CTDSPL2: variants seen among roughly 807,000 people sequenced by gnomAD.
The protein encoded by CTDSPL2 is CTD small phosphatase-like protein 2.
In CTDSPL2, 5 loss-of-function variants were observed where a neutral mutation model predicts 60.0. The ratio of observed to expected loss-of-function variants is 0.08; its 90% CI spans 0.04 to 0.18. The LOEUF is 0.18. CTDSPL2 is among the 10% of genes least tolerant of loss of function. The pLI is 1.00. For synonymous variants in CTDSPL2, 186 were observed against 189.3 expected, an observed-to-expected ratio of 0.98 and a Z score of 0.14; for missense variants, 370 against 548.8, an observed-to-expected ratio of 0.67 and a Z score of 3.26.
In CTDSPL2 at chr15:44,484,372, T is replaced by C. The variant is rs1357649117; in HGVS notation, c.325+10T>C. On this transcript the variant is annotated intron_variant, in intron 3 of 12. Coordinates refer to ENST00000260327, the MANE Select transcript of CTDSPL2 (RefSeq NM_016396.3). ...AGTCAAGTAAATGGAGGTTTGTTAA[T>C]ATTTAGATACTGTTTTATTTAGGTG... The C allele has an allele frequency of 6.2e-7, 1 of 1,609,494 alleles. No homozygotes were observed. The highest frequency in any genetic ancestry group is 2.2e-5 in the East Asian group (1 of 44,824).
chr15:44,499,753 A>T lies in CTDSPL2; in HGVS notation c.909A>T (p.Leu303=), dbSNP rs751903577. 6.9e-6 allele frequency: 11 copies of T among 1,603,892 alleles called. No individual in the cohort carries two copies. In the South Asian group the frequency reaches 1.2e-4, roughly 18 times the overall value. Reference sequence around the variant, plus strand: ...ATGAAACACTAGTGCATTGTAGTCTAAATGAGCTAGAAGATGCAGCACTTA... The same window carrying T: ...ATGAAACACTAGTGCATTGTAGTCTTAATGAGCTAGAAGATGCAGCACTTA... ...DLDETLVHCS[L]NELEDAALTF... is the part of the protein sequence containing the mutation. The change falls in exon 8 of 13, where the codon CTA becomes CTT. Residue 303 remains leucine (L), a synonymous_variant. Transcript: ENST00000260327.
intron 1 of CTDSPL2, among the ~76,000 whole-genome samples, chr15:44,450,160 T>G (rs2080305247): frequency 6.6e-6 from 1 of 152,096 alleles, no homozygotes. Context: ...TTTTAGTGTT[T>G]TAGATTTTTA....
intron 10 of CTDSPL2, among the ~76,000 whole-genome samples, chr15:44,517,707 AG>A (rs1340984147): frequency 1.3e-5 from 2 of 152,234 alleles, no homozygotes; most frequent in Non-Finnish European, 2.9e-5. Flanking sequence ...GTACAGATTC[AG>A]TTGTCTCCTG....
chr15:44,448,965 C>G, intron 1 of CTDSPL2: 1 of 406,918 alleles, frequency 2.5e-6, no homozygotes, highest in Non-Finnish European at 4.6e-6. Flanking sequence ...CATCTTTATC[C>G]TCAAGAATGT....
intron 4 of CTDSPL2, among the ~76,000 whole-genome samples, chr15:44,488,072 T>C (rs1595750111): frequency 6.8e-6 from 1 of 147,506 alleles, no homozygotes; most frequent in African/African-American, 2.5e-5. Flanking sequence ...ATCATGCCAC[T>C]GCACTCCAGC....
intron 2 of CTDSPL2, among the ~76,000 whole-genome samples, chr15:44,473,498 T>C (rs1384362035): frequency 1.3e-5 from 2 of 151,948 alleles, no homozygotes; most frequent in African/African-American, 4.8e-5. Context: ...GGTTTCACCG[T>C]GTTAGTCAGA....
At chr15:44,439,747 G>C (rs1313607507) in intron 1 of CTDSPL2, among the ~76,000 whole-genome samples, 2 of 152,106 alleles carry the variant, frequency 1.3e-5, no homozygotes, top group Non-Finnish European at 2.9e-5. Context: ...TTACCAACGT[G>C]AGGCTGTATA....
At chr15:44,438,145 T>TC (rs1194493604) in intron 1 of CTDSPL2, among the ~76,000 whole-genome samples, 2 of 152,000 alleles carry the variant, frequency 1.3e-5, no homozygotes, top group Non-Finnish European at 2.9e-5. Flanking sequence ...GCGCCTGTAG[T>TC]CCCAGCTACT....
chr15:44,453,835 T>C (rs1051695829), intron 1 of CTDSPL2, among the ~76,000 whole-genome samples: 1 of 152,134 alleles, frequency 6.6e-6, no homozygotes, highest in Admixed American at 6.5e-5. Context: ...TTGATGGACA[T>C]TTGGGTTGGT....
intron 1 of CTDSPL2, among the ~76,000 whole-genome samples, chr15:44,447,382 A>G (rs1672102400): frequency 6.6e-6 from 1 of 152,204 alleles, no homozygotes; most frequent in Non-Finnish European, 1.5e-5. Context: ...AGTTGCCACA[A>G]CTACAAAAAA....
chr15:44,474,911 A>G (rs1187933006), intron 2 of CTDSPL2, among the ~76,000 whole-genome samples: 1 of 152,130 alleles, frequency 6.6e-6, no homozygotes, highest in Non-Finnish European at 1.5e-5. Context: ...ACCAGTTACT[A>G]TATACACCGT....
At chr15:44,485,912 T>C (rs1215984307) in intron 3 of CTDSPL2, among the ~76,000 whole-genome samples, 1 of 152,094 alleles carries the variant, frequency 6.6e-6, no homozygotes, top group Non-Finnish European at 1.5e-5. Flanking sequence ...CATCAAAAGT[T>C]GAGGAGAATC....
intron 2 of CTDSPL2, among the ~76,000 whole-genome samples, chr15:44,460,153 C>A (rs541421325): frequency 3.0e-4 from 46 of 152,240 alleles, no homozygotes; most frequent in African/African-American, 1.0e-3. Context: ...GCTCTGTCTC[C>A]AGGCTGGAGT....
At chr15:44,511,720 G>T (rs117441117) in intron 8 of CTDSPL2, among the ~76,000 whole-genome samples, 1,642 of 151,738 alleles carry the variant, frequency 0.011, 40 homozygotes, top group East Asian at 0.087. Context: ...ATACAAAAAT[G>T]AGCCGGATGT....
chr15:44,441,164 A>G (rs1295568097), intron 1 of CTDSPL2, among the ~76,000 whole-genome samples: 2 of 152,084 alleles, frequency 1.3e-5, no homozygotes, highest in African/African-American at 4.8e-5. Context: ...TAAGATCTCT[A>G]ATGTCTTTGG....
intron 1 of CTDSPL2, among the ~76,000 whole-genome samples, chr15:44,445,370 A>C (rs755135958): frequency 2.9e-4 from 44 of 151,390 alleles, no homozygotes; most frequent in Non-Finnish European, 8.8e-5. Flanking sequence ...TTGTATTTTT[A>C]GTAGATACAG....
intron 11 of CTDSPL2, chr15:44,520,489 C>T (rs2081746773): frequency 1.3e-5 from 2 of 152,098 alleles, no homozygotes; most frequent in Non-Finnish European, 2.9e-5. Flanking sequence ...CACAATAAGC[C>T]AGTCCAGAAT....
rs550460551 is a variant in CTDSPL2 at position 44,459,465 on chromosome 15, C to T, written c.186+265C>T. On this transcript the variant is annotated intron_variant, in intron 2 of 12. Coordinates refer to ENST00000260327, the MANE Select transcript of CTDSPL2 (RefSeq NM_016396.3). Reference sequence around the variant, plus strand: ...TGGCTTGAACCCTAGGGGGCGGAGCCTGTAGTGAGCCGAGATCGCACCACT... The same window carrying T: ...TGGCTTGAACCCTAGGGGGCGGAGCTTGTAGTGAGCCGAGATCGCACCACT... Among the ~76,000 whole-genome samples the T allele has an allele frequency of 1.5e-3, 230 of 152,186 alleles. 1 individual carries two copies. The highest frequency in any genetic ancestry group is 5.2e-3 in the African/African-American group (214 of 41,518).
At chr15:44,486,172 G>C (rs2081115213) in intron 3 of CTDSPL2, among the ~76,000 whole-genome samples, 1 of 152,144 alleles carries the variant, frequency 6.6e-6, no homozygotes, top group Non-Finnish European at 1.5e-5. Context: ...TTATGAATTA[G>C]AACCGTCCTA....
Sources: allele counts gnomAD v4.1 joint callset (sites outside exome capture counted in the v4.1 genomes callset), GRCh38; gene constraint gnomAD v4.1.1; transcripts MANE v1.5; gene names NCBI Gene and HGNC (gene_info 2026-07-23, HGNC 2026-07-21).